XKR4: variants seen among roughly 807,000 people sequenced by gnomAD.
XKR4 encodes XK related 4.
In XKR4, 12 loss-of-function variants were observed where a neutral mutation model predicts 53.9. The ratio of observed to expected loss-of-function variants is 0.22; its 90% confidence interval spans 0.14 to 0.36. The LOEUF (loss-of-function observed/expected upper bound fraction) is 0.36. Ranked by LOEUF, XKR4 falls within the 10% of genes least tolerant of loss-of-function variation. XKR4 has a pLI of 1.00. For missense variants in XKR4, 799 were observed against 859.5 expected, an observed-to-expected ratio of 0.93 and a Z score of 0.88; for synonymous variants, 354 against 362.4, an observed-to-expected ratio of 0.98 and a Z score of 0.26.
intron 2 of XKR4, among the ~76,000 whole-genome samples, chr8:55,478,619 G>T (rs1806043406): frequency 6.6e-6 from 1 of 152,130 alleles, no homozygotes. Context: ...TGGATAAAGA[G>T]TCAAGACCCA....
At chr8:55,273,878 C>A (rs1326997865) in intron 1 of XKR4, among the ~76,000 whole-genome samples, 1 of 152,142 alleles carries the variant, frequency 6.6e-6, no homozygotes, top group Non-Finnish European at 1.5e-5. Flanking sequence ...CTTGATGAAT[C>A]GGTTCTGTCT....
At chr8:55,226,480 A>G (rs1817954128) in intron 1 of XKR4, among the ~76,000 whole-genome samples, 1 of 152,160 alleles carries the variant, frequency 6.6e-6, no homozygotes, top group Non-Finnish European at 1.5e-5. Context: ...TTTTACACTC[A>G]ATGTCCAGGA....
chr8:55,499,848 A>G (rs1488764380), intron 2 of XKR4, among the ~76,000 whole-genome samples: 1 of 152,162 alleles, frequency 6.6e-6, no homozygotes, highest in African/African-American at 2.4e-5. Context: ...TATCACTGTA[A>G]TTCAGGATGG....
At chr8:55,419,048 G>T (rs1329334588) in intron 2 of XKR4, among the ~76,000 whole-genome samples, 1 of 152,098 alleles carries the variant, frequency 6.6e-6, no homozygotes, top group African/African-American at 2.4e-5. Flanking sequence ...ATTACTTACA[G>T]CGGTGTCTGA....
At chr8:55,312,673 C>G (rs1333148190) in intron 1 of XKR4, among the ~76,000 whole-genome samples, 1 of 152,214 alleles carries the variant, frequency 6.6e-6, no homozygotes, top group Non-Finnish European at 1.5e-5. Flanking sequence ...TAACGCCCAT[C>G]AAGATCTTAT....
In XKR4 at chr8:55,531,314, CA is replaced by C. The variant is rs1021517938; in HGVS notation, c.*7088del. 5 of 152,126 alleles carry C rather than the reference CA, an allele frequency of 3.3e-5. No homozygotes were observed. The highest frequency in any genetic ancestry group is 1.2e-4 in the African/African-American group (5 of 41,406). The allele number at this position is 152,126 out of a possible 1,614,324, so 9.4% of individuals were successfully genotyped here. A position where few individuals can be genotyped will look rare whatever the true frequency, so the allele number is the denominator to read the frequency against. ...TACCGAATACTGTAGGCAACTGTAACACCATGGTAAGTACTTGTGTATTTAA... is the reference window on the plus strand; with the variant it reads ...TACCGAATACTGTAGGCAACTGTAACCCATGGTAAGTACTTGTGTATTTAA... On this transcript the variant is annotated 3_prime_UTR_variant, in exon 3 of 3. Coordinates refer to ENST00000327381, the MANE Select transcript of XKR4 (RefSeq NM_052898.2).
intron 1 of XKR4, among the ~76,000 whole-genome samples, chr8:55,146,027 C>T (rs570003202): frequency 6.6e-6 from 1 of 152,184 alleles, no homozygotes; most frequent in Non-Finnish European, 1.5e-5. Context: ...TGAAGGAAAA[C>T]TGATGCTTTG....
chr8:55,298,008 TA>T (rs749999312), intron 1 of XKR4, among the ~76,000 whole-genome samples: 2 of 152,224 alleles, frequency 1.3e-5, no homozygotes, highest in Non-Finnish European at 2.9e-5. Flanking sequence ...AGAATTTTTC[TA>T]AACATTGCAT....
At position 55,533,998 on chromosome 8, in the gene XKR4, G is replaced by A. The variant is rs1428681026; in HGVS notation, c.*9771G>A. ...CGGGGGCTTGCATAGCTCAGAGAAC[G>A]GAGTACTGGGTCGTGGAGACTTGCT... On this transcript the variant is annotated 3_prime_UTR_variant, in exon 3 of 3. Coordinates refer to ENST00000327381, the MANE Select transcript of XKR4 (RefSeq NM_052898.2). 1.3e-5 allele frequency: 2 copies of A among 152,072 alleles called. No individual in the cohort carries two copies. The highest frequency in any genetic ancestry group is 6.5e-5 in the Admixed American group (1 of 15,274). The allele number at this position is 152,072 out of a possible 1,614,324, so 9.4% of individuals were successfully genotyped here.
intron 1 of XKR4, among the ~76,000 whole-genome samples, chr8:55,153,826 A>G (rs1222432519): frequency 5.3e-5 from 8 of 151,216 alleles, no homozygotes; most frequent in African/African-American, 7.4e-5. Flanking sequence ...TCTTGATACT[A>G]TGCGAATCCA....
At chr8:55,215,922 A>C (rs1038202896) in intron 1 of XKR4, among the ~76,000 whole-genome samples, 1 of 152,324 alleles carries the variant, frequency 6.6e-6, no homozygotes, top group South Asian at 2.1e-4. Flanking sequence ...GATTGAAAAG[A>C]AACTGTTTTC....
intron 2 of XKR4, among the ~76,000 whole-genome samples, chr8:55,465,854 A>C (rs1349233818): frequency 6.6e-6 from 1 of 151,942 alleles, no homozygotes; most frequent in African/African-American, 2.4e-5. Flanking sequence ...CTCAAAAGAA[A>C]ACATTTATGC....
intron 1 of XKR4, among the ~76,000 whole-genome samples, chr8:55,311,050 C>T (rs2129378217): frequency 6.6e-6 from 1 of 152,300 alleles, no homozygotes. Context: ...ACTACCTGCT[C>T]CATGTGTGAG....
chr8:55,440,598 A>C (rs1805250024), intron 2 of XKR4, among the ~76,000 whole-genome samples: 1 of 100,296 alleles, frequency 1.0e-5, no homozygotes. Context: ...CCAAACTAGC[A>C]GCAAAAAAAA....
chr8:55,430,839 T>C (rs1227449365), intron 2 of XKR4, among the ~76,000 whole-genome samples: 1 of 152,196 alleles, frequency 6.6e-6, no homozygotes, highest in Non-Finnish European at 1.5e-5. Flanking sequence ...TCCTATAGGA[T>C]TAGGACTCAC....
Position 55,336,055 on chromosome 8 carries a change from A to G in XKR4, c.807-21623A>G, listed in dbSNP as rs550026786. On this transcript the variant is annotated intron_variant, in intron 1 of 2. Transcript: ENST00000327381. ...CAACTCTATACCAAAAAAAAAAAAA[A>G]AAAAGAAAAGAAAAACAGAGTACTT... is the stretch of plus-strand genomic sequence containing the variant. 4.3e-3 allele frequency among the ~76,000 whole-genome samples: 655 copies of G among 151,588 alleles called. 6 individuals are homozygous for G. The highest frequency in any genetic ancestry group is 0.015 in the African/African-American group (627 of 41,382).
intron 1 of XKR4, among the ~76,000 whole-genome samples, chr8:55,219,942 T>G (rs1360837186): frequency 6.6e-6 from 1 of 152,182 alleles, no homozygotes; most frequent in Non-Finnish European, 1.5e-5. Context: ...AGGCAATGGA[T>G]TTTTTATGGG....
intron 2 of XKR4, chr8:55,452,187 C>A (rs1011793480): frequency 2.8e-6 from 2 of 722,112 alleles, no homozygotes; most frequent in Non-Finnish European, 2.4e-6. Context: ...ACTGTCAGAC[C>A]CCACCTCCTC....
At chr8:55,114,395 G>A (rs1816276748) in intron 1 of XKR4, among the ~76,000 whole-genome samples, 1 of 152,022 alleles carries the variant, frequency 6.6e-6, no homozygotes. Context: ...TGTATTGAGA[G>A]CACCAGTGGG....
Sources: allele counts gnomAD v4.1 joint callset (sites outside exome capture counted in the v4.1 genomes callset), GRCh38; gene constraint gnomAD v4.1.1; transcripts MANE v1.5; gene names NCBI Gene and HGNC (gene_info 2026-07-23, HGNC 2026-07-21).